The following MAPK14 variants were observed in gnomAD, a reference collection of about 807,000 sequenced individuals.
The protein encoded by MAPK14 is mitogen-activated protein kinase 14.
In MAPK14, 16 loss-of-function variants were observed where a neutral mutation model predicts 49.6. That is an observed-to-expected ratio of 0.32 (90% CI 0.22 to 0.49). The LOEUF (loss-of-function observed/expected upper bound fraction) is 0.49. Ranked by LOEUF, MAPK14 falls within the 20% of genes least tolerant of loss-of-function variation. The pLI is 0.99. For synonymous variants in MAPK14, 142 were observed against 158.0 expected (o/e 0.90, Z 0.76); for missense variants, 200 against 441.2 (o/e 0.45, Z 4.90).
chr6:36,102,167 C>T (rs1178058578), intron 9 of MAPK14, among the ~76,000 whole-genome samples: 1 of 152,238 alleles, frequency 6.6e-6, no homozygotes, highest in Admixed American at 6.5e-5. Flanking sequence ...GAAGTCAGCA[C>T]TGTCAAAAGA....
At chr6:36,044,004 T>A (rs1422154013) in intron 1 of MAPK14, among the ~76,000 whole-genome samples, 1 of 151,876 alleles carries the variant, frequency 6.6e-6, no homozygotes, top group African/African-American at 2.4e-5. Context: ...GAGACGGGAT[T>A]TCTCCATGTT....
At chr6:36,048,420 T>TGG (rs1018957838) in intron 1 of MAPK14, among the ~76,000 whole-genome samples, 1 of 151,982 alleles carries the variant, frequency 6.6e-6, no homozygotes, top group Non-Finnish European at 1.5e-5. Context: ...CAAGCAATCC[T>TGG]CCTGCCCTGG....
At chr6:36,089,310 C>T (rs1166673109) in intron 8 of MAPK14, among the ~76,000 whole-genome samples, 2 of 152,154 alleles carry the variant, frequency 1.3e-5, no homozygotes, top group African/African-American at 4.8e-5. Context: ...CACATGTTCT[C>T]ACAAGTGGGA....
At chr6:36,090,003 CCTT>C (rs1458818065) in intron 8 of MAPK14, among the ~76,000 whole-genome samples, 1 of 152,142 alleles carries the variant, frequency 6.6e-6, no homozygotes, top group African/African-American at 2.4e-5. Context: ...ATGTGTAAAA[CCTT>C]CTTTAATTTT....
At chr6:36,122,133 G>C in the MAPK14 span, among the ~76,000 whole-genome samples, 2 of 152,270 alleles carry the variant, frequency 1.3e-5, no homozygotes, top group Non-Finnish European at 2.9e-5. Flanking sequence ...TGCTAGTCTT[G>C]TTTGGGGTTA....
At chr6:36,123,664 C>T in the MAPK14 span, among the ~76,000 whole-genome samples, 1 of 152,250 alleles carries the variant, frequency 6.6e-6, no homozygotes, top group Non-Finnish European at 1.5e-5. Context: ...GGCCAGAATA[C>T]TGCCCTCGCC....
At chr6:36,048,534 G>C (rs1262823826) in intron 1 of MAPK14, among the ~76,000 whole-genome samples, 1 of 152,212 alleles carries the variant, frequency 6.6e-6, no homozygotes, top group Non-Finnish European at 1.5e-5. Context: ...TTAGAAGGAG[G>C]TAGGCCAGTG....
chr6:36,116,291 A>G, the MAPK14 span, among the ~76,000 whole-genome samples: 2 of 152,134 alleles, frequency 1.3e-5, no homozygotes, highest in Non-Finnish European at 2.9e-5. Flanking sequence ...GATTTTTCTG[A>G]AAGTGGTAAG....
At chr6:36,084,168 G>T (rs1394287986) in intron 8 of MAPK14, among the ~76,000 whole-genome samples, 1 of 152,114 alleles carries the variant, frequency 6.6e-6, no homozygotes, top group Non-Finnish European at 1.5e-5. Flanking sequence ...TCAACAAAAA[G>T]GTCCCCACCA....
chr6:36,048,232 C>G (rs1228969659), intron 1 of MAPK14, among the ~76,000 whole-genome samples: 1 of 150,266 alleles, frequency 6.7e-6, no homozygotes, highest in African/African-American at 2.5e-5. Flanking sequence ...TTAGTAGAGA[C>G]GGGTTTCACC....
intron 8 of MAPK14, among the ~76,000 whole-genome samples, chr6:36,080,400 T>G (rs1408463129): frequency 2.0e-5 from 3 of 152,218 alleles, no homozygotes; most frequent in Non-Finnish European, 4.4e-5. Context: ...CCTCTGTTCT[T>G]TCTGTCTCTG....
intron 8 of MAPK14, among the ~76,000 whole-genome samples, chr6:36,078,682 T>C (rs1244518940): frequency 6.6e-6 from 1 of 152,230 alleles, no homozygotes; most frequent in Non-Finnish European, 1.5e-5. Context: ...ATTTTGGTTT[T>C]AGTTATTTAT....
chr6:36,102,141 A>C lies in MAPK14; in HGVS notation c.763-430A>C, dbSNP rs140577358. Among the ~76,000 whole-genome samples, 3 of 152,336 alleles carry C rather than the reference A, an allele frequency of 2.0e-5. No homozygotes were observed. In the South Asian group the frequency reaches 6.2e-4, roughly 32 times the overall value. Reference sequence around the variant, plus strand: ...GTTTAATATTGATATCCTTTGATGTACTAAGAGCACCTACTGAAGTCAGCA... The same window carrying C: ...GTTTAATATTGATATCCTTTGATGTCCTAAGAGCACCTACTGAAGTCAGCA... On this transcript the variant is annotated intron_variant, in intron 9 of 11. Coordinates refer to ENST00000229794, the MANE Select transcript of MAPK14 (RefSeq NM_139012.3).
chr6:36,078,757 G>A (rs1351207611), intron 8 of MAPK14, among the ~76,000 whole-genome samples: 2 of 152,148 alleles, frequency 1.3e-5, no homozygotes, highest in African/African-American at 4.8e-5. Flanking sequence ...CGAATTCAAA[G>A]GATTTTTATT....
intron 2 of MAPK14, among the ~76,000 whole-genome samples, chr6:36,054,136 G>A (rs1200693638): frequency 6.6e-6 from 1 of 152,158 alleles, no homozygotes; most frequent in Admixed American, 6.5e-5. Flanking sequence ...TGGCCTGGCA[G>A]CTTTAAGGGA....
chr6:36,028,119 CA>C lies in MAPK14; in HGVS notation c.-38del. 3 of 1,470,028 alleles carry C rather than the reference CA, an allele frequency of 2.0e-6. No homozygotes were observed. Among genetic ancestry groups the C allele is most frequent in the Non-Finnish European group, 2.8e-6 (3 of 1,057,236 alleles). 91.1% of individuals were successfully genotyped at this position (1,470,028 alleles called of 1,614,324 possible). On this transcript the variant is annotated 5_prime_UTR_variant, in exon 1 of 12. Transcript: ENST00000229794. The surrounding 1 kb of genome is among the most constrained non-coding windows in gnomAD (Gnocchi z 5.1). The stretch of plus-strand genomic sequence containing the variant: ...AGGGTGCGGGTGCAGGCGGGGGCCC[CA>C]CAGGGCCACCTTCTTGCCCGGCGGC...
intron 8 of MAPK14, among the ~76,000 whole-genome samples, chr6:36,093,986 G>A (rs1258512653): frequency 6.6e-6 from 1 of 152,134 alleles, no homozygotes; most frequent in Non-Finnish European, 1.5e-5. Flanking sequence ...AGTCATTTTA[G>A]ATGAGCAAGA....
chr6:36,104,588 C>T (rs994280366), intron 10 of MAPK14, among the ~76,000 whole-genome samples: 4 of 152,108 alleles, frequency 2.6e-5, no homozygotes, highest in African/African-American at 7.2e-5. Context: ...GGGGTTTCAC[C>T]GTGTTAGCCA....
Position 36,073,677 on chromosome 6 carries a change from T to C in MAPK14, c.418-14T>C. The C allele has an allele frequency of 6.2e-7, 1 of 1,609,416 alleles. No homozygotes were observed. Among genetic ancestry groups the C allele is most frequent in the Non-Finnish European group, 8.5e-7 (1 of 1,177,596 alleles). ...GAAGGTTGGAGGTAACTTTGACTTT[T>C]TTCTCTTTTGCAGTATATACATTCA... On this transcript the variant is annotated splice_polypyrimidine_tract_variant and intron_variant, in intron 4 of 11. Coordinates refer to ENST00000229794, the MANE Select transcript of MAPK14 (RefSeq NM_139012.3).
Sources: gnomAD v4.1 joint callset for allele counts (sites outside exome capture counted in the v4.1 genomes callset) on GRCh38, gnomAD v4.1.1 for gene constraint, Gnocchi (gnomAD v3.1) non-coding constraint, MANE v1.5 for transcripts, NCBI Gene and HGNC (gene_info 2026-07-23, HGNC 2026-07-21) for gene names.